Variants in MIS18A observed in about 807,000 individuals in gnomAD.
MIS18A encodes the protein protein Mis18-alpha.
In MIS18A, 14 loss-of-function variants were observed where a neutral mutation model predicts 25.0. The observed-to-expected ratio is 0.56, with a 90% confidence interval of 0.37 to 0.88. The LOEUF (loss-of-function observed/expected upper bound fraction) is 0.88, where lower values mean the gene tolerates loss of function less well. MIS18A is among the 40% of genes least tolerant of loss of function. The pLI, the probability that MIS18A is intolerant of heterozygous loss-of-function variation, is 0.00. For missense variants in MIS18A, 292 were observed against 290.8 expected, an observed-to-expected ratio of 1.00 and a Z score of -0.03; for synonymous variants, 134 against 118.6, an observed-to-expected ratio of 1.13 and a Z score of -0.84.
the MIS18A span, among the ~76,000 whole-genome samples, chr21:32,189,811 C>CA: frequency 2.6e-5 from 4 of 152,206 alleles, no homozygotes; most frequent in African/African-American, 9.6e-5. Context: ...CCTCTGCATC[C>CA]ACCCTGTCAC....
chr21:32,157,189 G>A, the MIS18A span, among the ~76,000 whole-genome samples: 17 of 148,364 alleles, frequency 1.1e-4, no homozygotes, highest in Non-Finnish European at 1.8e-4. Context: ...CTGAGTAGCT[G>A]GGATTACCAG....
the MIS18A span, among the ~76,000 whole-genome samples, chr21:32,209,296 G>A: frequency 3.3e-5 from 5 of 152,208 alleles, no homozygotes; most frequent in Admixed American, 1.3e-4. Flanking sequence ...TAGTGATTTC[G>A]ACAGGTTAAA....
chr21:32,192,666 G>A, the MIS18A span, among the ~76,000 whole-genome samples: 1 of 152,212 alleles, frequency 6.6e-6, no homozygotes, highest in Non-Finnish European at 1.5e-5. Context: ...GGAGCAGGGG[G>A]AATCATGGCA....
chr21:32,276,669 A>G (rs1215448388), intron 1 of MIS18A, among the ~76,000 whole-genome samples: 1 of 151,762 alleles, frequency 6.6e-6, no homozygotes, highest in East Asian at 2.0e-4. Flanking sequence ...TGTAACTCAC[A>G]TCTGTACTCC....
intron 2 of MIS18A, among the ~76,000 whole-genome samples, chr21:32,273,891 G>A (rs1310747215): frequency 6.6e-6 from 1 of 152,150 alleles, no homozygotes; most frequent in Non-Finnish European, 1.5e-5. Flanking sequence ...GTTTACATTT[G>A]CAGCAACAAT....
chr21:32,180,199 C>G, the MIS18A span, among the ~76,000 whole-genome samples: 1 of 152,212 alleles, frequency 6.6e-6, no homozygotes, highest in East Asian at 1.9e-4. Context: ...CAGTTCTTCG[C>G]TTTCAGACAG....
chr21:32,205,182 G>A, the MIS18A span, among the ~76,000 whole-genome samples: 2 of 126,774 alleles, frequency 1.6e-5, no homozygotes. Flanking sequence ...TCGGCTCACT[G>A]CAAGCTCCGC....
the MIS18A span, among the ~76,000 whole-genome samples, chr21:32,176,782 A>G: frequency 1.4e-5 from 2 of 145,330 alleles, no homozygotes; most frequent in Non-Finnish European, 3.0e-5. Context: ...ACAAGGCAAA[A>G]CTTGATTCTT....
At chr21:32,203,515 G>C in the MIS18A span, among the ~76,000 whole-genome samples, 1 of 123,452 alleles carries the variant, frequency 8.1e-6, no homozygotes, top group Admixed American at 8.8e-5. Context: ...AAAAAAGGTA[G>C]TGTTACTTTT....
the MIS18A span, among the ~76,000 whole-genome samples, chr21:32,166,096 C>A: frequency 2.6e-5 from 4 of 152,102 alleles, no homozygotes; most frequent in African/African-American, 9.7e-5. Context: ...GGGTGAGGGG[C>A]AGGGTGGACA....
chr21:32,272,523 C>T (rs1340472078), intron 2 of MIS18A, among the ~76,000 whole-genome samples: 2 of 152,186 alleles, frequency 1.3e-5, no homozygotes, highest in Non-Finnish European at 2.9e-5. Context: ...AAGAAAGTCT[C>T]GGTTTGGTGC....
At chr21:32,248,608 T>C in the MIS18A span, among the ~76,000 whole-genome samples, 1 of 152,246 alleles carries the variant, frequency 6.6e-6, no homozygotes, top group South Asian at 2.1e-4. Flanking sequence ...TTCGTCTCGC[T>C]ACCCTTCTCT....
chr21:32,195,744 G>T, the MIS18A span, among the ~76,000 whole-genome samples: 1 of 152,080 alleles, frequency 6.6e-6, no homozygotes, highest in Non-Finnish European at 1.5e-5. Flanking sequence ...TCTGGGCAAG[G>T]CACAGTGGCT....
chr21:32,270,754 G>C (rs1334417485), intron 2 of MIS18A, among the ~76,000 whole-genome samples: 1 of 152,142 alleles, frequency 6.6e-6, no homozygotes, highest in Non-Finnish European at 1.5e-5. Flanking sequence ...ATACAAAAAA[G>C]TGACAAGAGA....
the MIS18A span, among the ~76,000 whole-genome samples, chr21:32,210,690 G>A: frequency 1.8e-4 from 28 of 152,130 alleles, no homozygotes; most frequent in African/African-American, 6.0e-4. Flanking sequence ...AACTCGGGGC[G>A]TTAACAGTTT....
the MIS18A span, among the ~76,000 whole-genome samples, chr21:32,183,222 C>T: frequency 6.6e-6 from 1 of 152,130 alleles, no homozygotes; most frequent in Non-Finnish European, 1.5e-5. Context: ...TAGTGCCTAT[C>T]ACGGACTTCT....
chr21:32,276,898 T>C, intron 1 of MIS18A, among the ~76,000 whole-genome samples: 1 of 152,044 alleles, frequency 6.6e-6, no homozygotes, highest in East Asian at 1.9e-4. Flanking sequence ...GCCACTGTAC[T>C]CCAACCTGGG....
the MIS18A span, among the ~76,000 whole-genome samples, chr21:32,167,552 G>A: frequency 6.6e-6 from 1 of 152,116 alleles, no homozygotes; most frequent in African/African-American, 2.4e-5. Flanking sequence ...TGCAAGATAG[G>A]TCAGCAGAAA....
chr21:32,214,132 T>TC, the MIS18A span, among the ~76,000 whole-genome samples: 1 of 152,112 alleles, frequency 6.6e-6, no homozygotes, highest in African/African-American at 2.4e-5. Context: ...AAGGCTGTGG[T>TC]CCCTCACTCC....
Sources: allele counts gnomAD v4.1 joint callset (sites outside exome capture counted in the v4.1 genomes callset), GRCh38; gene constraint gnomAD v4.1.1; transcripts MANE v1.5; gene names NCBI Gene and HGNC (gene_info 2026-07-23, HGNC 2026-07-21).